The following CNOT6L variants were observed in gnomAD, a reference collection of about 807,000 sequenced individuals.
CNOT6L encodes the protein CCR4-NOT transcription complex subunit 6 like.
In CNOT6L, 7 loss-of-function variants were observed where a neutral mutation model predicts 64.0. The observed-to-expected ratio is 0.11, with a 90% CI of 0.06 to 0.21. The LOEUF (loss-of-function observed/expected upper bound fraction) is 0.21, where lower values mean the gene tolerates loss of function less well. Ranked by LOEUF, CNOT6L falls within the 10% of genes least tolerant of loss-of-function variation. The pLI, the probability that CNOT6L is intolerant of heterozygous loss-of-function variation, is 1.00. For missense variants in CNOT6L, 245 were observed against 669.0 expected, an observed-to-expected ratio of 0.37 and a Z score of 6.99; for synonymous variants, 193 against 243.4, an observed-to-expected ratio of 0.79 and a Z score of 1.93.
intron 1 of CNOT6L, among the ~76,000 whole-genome samples, chr4:77,779,046 CAAAAAAAAAAAA>C: frequency 1.5e-5 from 1 of 67,126 alleles, no homozygotes; most frequent in South Asian, 7.1e-4. Context: ...GACTCTGTCT[CAAAAAAAAAAAA>C]AAAACAAAAA....
chr4:77,766,850 C>T (rs1344793325), intron 4 of CNOT6L, among the ~76,000 whole-genome samples: 31 of 151,172 alleles, frequency 2.1e-4, no homozygotes, highest in Admixed American at 2.0e-3. Flanking sequence ...GATCACCAGA[C>T]GTCAGGAATT....
intron 4 of CNOT6L, among the ~76,000 whole-genome samples, chr4:77,768,471 AT>A (rs1364565135): frequency 0.019 from 55 of 2,844 alleles, 1 homozygote; most frequent in African/African-American, 0.03. Flanking sequence ...TCTAAAATAA[AT>A]AAATATATAT....
At chr4:77,780,449 C>A (rs755732109) in intron 1 of CNOT6L, among the ~76,000 whole-genome samples, 1 of 152,230 alleles carries the variant, frequency 6.6e-6, no homozygotes, top group Non-Finnish European at 1.5e-5. Context: ...GTTAGCAACA[C>A]CTTTCCAACT....
chr4:77,772,880 G>A (rs578125155), intron 4 of CNOT6L, among the ~76,000 whole-genome samples: 27 of 152,186 alleles, frequency 1.8e-4, no homozygotes, highest in Non-Finnish European at 2.4e-4. Context: ...CCAAGATTGC[G>A]CCACTGCACT....
intron 4 of CNOT6L, among the ~76,000 whole-genome samples, chr4:77,760,080 T>C (rs1170477205): frequency 6.6e-6 from 1 of 152,154 alleles, no homozygotes; most frequent in East Asian, 1.9e-4. Flanking sequence ...GATTTTTTAA[T>C]GTTTTAATTG....
chr4:77,724,639 C>CA (rs58504681), intron 11 of CNOT6L, among the ~76,000 whole-genome samples: 1,143 of 63,730 alleles, frequency 0.018, 11 homozygotes, highest in African/African-American at 0.038. Flanking sequence ...GACCCTATCT[C>CA]AAAAAAAAAA....
Position 77,713,539 on chromosome 4 carries a change from T to C in CNOT6L, c.*6892A>G, listed in dbSNP as rs1720414331. 6.6e-6 allele frequency: 1 copy of C among 152,626 alleles called. No homozygotes were observed. Among genetic ancestry groups the C allele is most frequent in the African/African-American group, 2.4e-5 (1 of 41,442 alleles). 9.5% of individuals were successfully genotyped at this position (152,626 alleles called of 1,614,324 possible). A position where few individuals can be genotyped will look rare whatever the true frequency, so the allele number is the denominator to read the frequency against. On this transcript the variant is annotated 3_prime_UTR_variant, in exon 12 of 12. Coordinates refer to ENST00000504123, the MANE Select transcript of CNOT6L (RefSeq NM_144571.3). ...TCCAAAATGGAAAAAAATATTTTGT[T>C]ATCTGACATAGTAGTTAAGGTTCTT...
chr4:77,764,592 C>T (rs1222770114), intron 4 of CNOT6L, among the ~76,000 whole-genome samples: 1 of 152,126 alleles, frequency 6.6e-6, no homozygotes, highest in Non-Finnish European at 1.5e-5. Context: ...GGACCCCTTT[C>T]CAGTAACATC....
At chr4:77,803,301 AAATT>A (rs1306119484) in intron 1 of CNOT6L, among the ~76,000 whole-genome samples, 9 of 152,188 alleles carry the variant, frequency 5.9e-5, no homozygotes, top group African/African-American at 2.2e-4. Flanking sequence ...AAAATGACAA[AAATT>A]AATTATGTGA....
chr4:77,737,413 T>C (rs1253033318), intron 8 of CNOT6L, among the ~76,000 whole-genome samples: 1 of 4,492 alleles, frequency 2.2e-4, no homozygotes, highest in African/African-American at 4.7e-4. Context: ...GTTCTTTTTT[T>C]TTTTTTTTTT....
intron 4 of CNOT6L, among the ~76,000 whole-genome samples, chr4:77,767,295 A>T (rs755022539): frequency 1.3e-5 from 2 of 152,134 alleles, no homozygotes; most frequent in Non-Finnish European, 2.9e-5. Context: ...CAGACAGTCA[A>T]TGAAATTCCA....
At position 77,718,298 on chromosome 4, in the gene CNOT6L, T is replaced by C. The variant is rs2109838607; in HGVS notation, c.*2133A>G. 6.6e-6 allele frequency: 1 copy of C among 152,602 alleles called. No homozygotes were observed. Among genetic ancestry groups the C allele is most frequent in the East Asian group, 1.9e-4 (1 of 5,172 alleles). 9.5% of individuals were successfully genotyped at this position (152,602 alleles called of 1,614,324 possible). A position where few individuals can be genotyped will look rare whatever the true frequency, so the allele number is the denominator to read the frequency against. On this transcript the variant is annotated 3_prime_UTR_variant, in exon 12 of 12. Coordinates refer to ENST00000504123, the MANE Select transcript of CNOT6L (RefSeq NM_144571.3). ...CCCACCCAAAACAAAAGATCTAAAA[T>C]AAAACATACAGTAGCTGATTACAAA...
upstream of CNOT6L, among the ~76,000 whole-genome samples, chr4:77,819,769 G>GCGGGC (rs1170760263): frequency 5.3e-4 from 79 of 150,274 alleles, 1 homozygote; most frequent in African/African-American, 1.8e-3. Flanking sequence ...TGCGGGGCGG[G>GCGGGC]CGGGCCGGGC....
intron 11 of CNOT6L, among the ~76,000 whole-genome samples, chr4:77,723,782 A>G (rs1449885179): frequency 3.3e-5 from 5 of 152,220 alleles, no homozygotes; most frequent in Admixed American, 6.5e-5. Flanking sequence ...TTCTTTAGCC[A>G]TACTTATTTG....
At chr4:77,793,893 G>A (rs934575114) in intron 1 of CNOT6L, among the ~76,000 whole-genome samples, 1 of 152,016 alleles carries the variant, frequency 6.6e-6, no homozygotes, top group African/African-American at 2.4e-5. Context: ...GCTAACACCT[G>A]TAATCCCAGC....
chr4:77,754,913 A>AAAAAAAAAAAAAAAAAAAAAAAAT (rs397994114), intron 5 of CNOT6L, among the ~76,000 whole-genome samples: 1 of 143,680 alleles, frequency 7.0e-6, no homozygotes, highest in Non-Finnish European at 1.5e-5. Context: ...AAAAAAAAAA[A>AAAAAAAAAAAAAAAAAAAAAAAAT]CCGGTTTCTA....
chr4:77,740,906 T>C (rs1302243342), intron 8 of CNOT6L, among the ~76,000 whole-genome samples: 3 of 152,168 alleles, frequency 2.0e-5, no homozygotes, highest in Non-Finnish European at 4.4e-5. Context: ...TAACATGCTG[T>C]ACAGGTTTCT....
chr4:77,800,463 T>A (rs1462565119), intron 1 of CNOT6L, among the ~76,000 whole-genome samples: 1 of 151,664 alleles, frequency 6.6e-6, no homozygotes, highest in Non-Finnish European at 1.5e-5. Flanking sequence ...AGCTTATAAT[T>A]ACACCACTGC....
intron 5 of CNOT6L, among the ~76,000 whole-genome samples, chr4:77,751,179 C>T (rs1724820494): frequency 6.6e-6 from 1 of 151,968 alleles, no homozygotes; most frequent in Admixed American, 6.6e-5. Context: ...AAAAATCCAG[C>T]AAATACAGAG....
Sources: gnomAD v4.1 joint callset for allele counts (sites outside exome capture counted in the v4.1 genomes callset) on GRCh38, gnomAD v4.1.1 for gene constraint, MANE v1.5 for transcripts, NCBI Gene and HGNC (gene_info 2026-07-23, HGNC 2026-07-21) for gene names.